The following PRIM2 variants were observed in gnomAD, a reference collection of about 807,000 sequenced individuals.
PRIM2 encodes DNA primase large subunit.
A neutral mutation model predicts 67.3 loss-of-function variants in PRIM2; 39 were observed. The ratio of observed to expected loss-of-function variants is 0.58; its 90% CI spans 0.45 to 0.76. PRIM2 has a LOEUF of 0.76. Ranked by LOEUF, PRIM2 falls within the 30% of genes least tolerant of loss-of-function variation. PRIM2 has a pLI of 0.00. For missense variants in PRIM2, 398 were observed against 598.7 expected (o/e 0.66, Z 3.50); for synonymous variants, 143 against 198.7 (o/e 0.72, Z 2.36).
intron 10 of PRIM2, among the ~76,000 whole-genome samples, chr6:57,591,783 T>G (rs1776286436): frequency 6.6e-6 from 1 of 151,920 alleles, no homozygotes; most frequent in Admixed American, 6.6e-5. Flanking sequence ...CAAACTAAAA[T>G]AGAATTACCA....
At chr6:57,274,246 C>T in the PRIM2 span, among the ~76,000 whole-genome samples, 1 of 152,246 alleles carries the variant, frequency 6.6e-6, no homozygotes, top group African/African-American at 2.4e-5. Context: ...CAGAGGCAGG[C>T]AGGCCTCCTT....
At chr6:57,408,307 G>T (rs1770968491) in intron 7 of PRIM2, among the ~76,000 whole-genome samples, 1 of 152,168 alleles carries the variant, frequency 6.6e-6, no homozygotes, top group Non-Finnish European at 1.5e-5. Flanking sequence ...GGGAGAGGGG[G>T]CTCCAAAGCT....
At chr6:57,284,426 C>A in the PRIM2 span, among the ~76,000 whole-genome samples, 1 of 152,140 alleles carries the variant, frequency 6.6e-6, no homozygotes, top group Non-Finnish European at 1.5e-5. Flanking sequence ...TGATCTTAAA[C>A]AGTTTTTATT....
At chr6:57,639,221 C>T (rs1319508643) in intron 13 of PRIM2, among the ~76,000 whole-genome samples, 21 of 152,210 alleles carry the variant, frequency 1.4e-4, no homozygotes, top group South Asian at 2.1e-4. Flanking sequence ...AAAGACACAA[C>T]GTACCAGAAT....
intron 7 of PRIM2, among the ~76,000 whole-genome samples, chr6:57,391,711 C>T (rs887524215): frequency 1.3e-4 from 20 of 152,038 alleles, no homozygotes; most frequent in Admixed American, 2.6e-4. Flanking sequence ...TGTTCTGTTC[C>T]ATTGGTCTAT....
intron 7 of PRIM2, among the ~76,000 whole-genome samples, chr6:57,460,756 C>A (rs1735310481): frequency 6.6e-6 from 1 of 152,198 alleles, no homozygotes; most frequent in African/African-American, 2.4e-5. Context: ...GTTTTCCTTG[C>A]TTTTGGATTT....
At chr6:57,440,097 T>C (rs1772154897) in intron 7 of PRIM2, among the ~76,000 whole-genome samples, 1 of 151,142 alleles carries the variant, frequency 6.6e-6, no homozygotes, top group African/African-American at 2.4e-5. Context: ...GAGAATCCCA[T>C]CATGTAGAAG....
chr6:57,643,693 C>T (rs1777286811), intron 13 of PRIM2, among the ~76,000 whole-genome samples: 1 of 152,118 alleles, frequency 6.6e-6, no homozygotes, highest in African/African-American at 2.4e-5. Context: ...AAAAAGTTCA[C>T]AAATGATTCC....
chr6:57,432,038 T>C (rs1451005541), intron 7 of PRIM2, among the ~76,000 whole-genome samples: 1 of 152,228 alleles, frequency 6.6e-6, no homozygotes, highest in Non-Finnish European at 1.5e-5. Flanking sequence ...TCTTCCTTAA[T>C]ATGAATGTAT....
At chr6:57,481,403 C>A (rs1329956579) in intron 7 of PRIM2, among the ~76,000 whole-genome samples, 1 of 151,940 alleles carries the variant, frequency 6.6e-6, no homozygotes, top group Admixed American at 6.6e-5. Context: ...AGGATAATGC[C>A]CTGGAGATCC....
intron 10 of PRIM2, among the ~76,000 whole-genome samples, chr6:57,562,611 C>G: frequency 6.6e-6 from 1 of 152,150 alleles, no homozygotes; most frequent in East Asian, 1.9e-4. Flanking sequence ...CTAGATTATA[C>G]AAACATCATA....
chr6:57,449,787 G>C (rs1222516991), intron 7 of PRIM2, among the ~76,000 whole-genome samples: 23 of 152,052 alleles, frequency 1.5e-4, no homozygotes, highest in Non-Finnish European at 3.2e-4. Context: ...GTTAATTTAG[G>C]GTAATGAAAT....
intron 7 of PRIM2, among the ~76,000 whole-genome samples, chr6:57,391,105 T>C (rs1172392946): frequency 8.1e-6 from 1 of 123,244 alleles, no homozygotes; most frequent in Non-Finnish European, 1.7e-5. Context: ...GGTATCTCAT[T>C]GTGGTTTTGA....
intron 7 of PRIM2, among the ~76,000 whole-genome samples, chr6:57,425,495 G>A (rs34005663): frequency 3.7e-4 from 57 of 152,250 alleles, no homozygotes; most frequent in South Asian, 2.5e-3. Context: ...GATTACAGGC[G>A]TGAGCCACCA....
At position 57,537,537 on chromosome 6, in the gene PRIM2, T is replaced by C; in HGVS notation, c.932T>C (p.Leu311Pro). The change falls in exon 10 of 14, where the codon CTA becomes CCA. Residue 311 changes from leucine to proline, a missense_variant. Transcript: ENST00000615550. ...CATGGAGGCCGAATGCAGTATGGCC[T>C]ATTTCTGAAGGGCATTGGTTTAACT... is the stretch of plus-strand genomic sequence containing the variant. The part of the protein sequence containing the change: ...LRHGGRMQYG[L>P]FLKGIGLTLE... 2 of 1,593,492 alleles carry C rather than the reference T, an allele frequency of 1.3e-6. No individual in the cohort carries two copies. Among genetic ancestry groups the C allele is most frequent in the Non-Finnish European group, 1.7e-6 (2 of 1,166,080 alleles).
chr6:57,626,737 G>A (rs1776955362), intron 12 of PRIM2, among the ~76,000 whole-genome samples: 3 of 150,980 alleles, frequency 2.0e-5, no homozygotes, highest in South Asian at 2.1e-4. Flanking sequence ...CGAACCTCCC[G>A]CCTCAGCCCC....
rs1235642719 is a variant in PRIM2, at chr6:57,435,848, T to C, written c.693+53680T>C. Among the ~76,000 whole-genome samples, 4 of 152,184 alleles carry C rather than the reference T, an allele frequency of 2.6e-5. No homozygotes were observed. The East Asian group carries it at 7.7e-4, about 29-fold the overall frequency. On this transcript the variant is annotated intron_variant, in intron 7 of 13. Transcript: ENST00000615550. ...CCAATGTGCACAGGTGGTTTGGGCA[T>C]TTTAAAGGGTGTTTATTCTTTTAAT...
chr6:57,222,880 G>C, the PRIM2 span, among the ~76,000 whole-genome samples: 1 of 152,172 alleles, frequency 6.6e-6, no homozygotes, highest in African/African-American at 2.4e-5. Flanking sequence ...CAACTCCTTT[G>C]AAAAACAGTT....
At chr6:57,592,760 C>T (rs1776303149) in intron 10 of PRIM2, among the ~76,000 whole-genome samples, 1 of 150,358 alleles carries the variant, frequency 6.7e-6, no homozygotes, top group Non-Finnish European at 1.5e-5. Flanking sequence ...CACTGCACTC[C>T]AGCTTGGGTG....
Sources: allele counts gnomAD v4.1 joint callset (sites outside exome capture counted in the v4.1 genomes callset), GRCh38; gene constraint gnomAD v4.1.1; transcripts MANE v1.5; gene names NCBI Gene and HGNC (gene_info 2026-07-23, HGNC 2026-07-21).